The following NPAS3 variants were observed in gnomAD, a reference collection of about 807,000 sequenced individuals.
The protein encoded by NPAS3 is neuronal PAS domain protein 3.
A neutral mutation model predicts 73.1 loss-of-function variants in NPAS3; 14 were observed. The ratio of observed to expected loss-of-function variants is 0.19; its 90% CI spans 0.13 to 0.30. The LOEUF (loss-of-function observed/expected upper bound fraction) is 0.30, where lower values mean the gene tolerates loss of function less well. NPAS3 is among the 10% of genes least tolerant of loss of function. The pLI, the probability that NPAS3 is intolerant of heterozygous loss-of-function variation, is 1.00. For synonymous variants in NPAS3, 620 were observed against 541.5 expected (o/e 1.14, Z -2.01); for missense variants, 1,096 against 1,250.0 (o/e 0.88, Z 1.86).
chr14:33,670,538 A>G (rs1436916341), intron 5 of NPAS3, among the ~76,000 whole-genome samples: 2 of 152,172 alleles, frequency 1.3e-5, no homozygotes, highest in Non-Finnish European at 2.9e-5. Flanking sequence ...AAATCCAAAG[A>G]AAACCTATGC....
intron 3 of NPAS3, among the ~76,000 whole-genome samples, chr14:33,358,836 C>T (rs1312478839): frequency 2.0e-5 from 3 of 152,162 alleles, no homozygotes; most frequent in Non-Finnish European, 4.4e-5. Context: ...GGCTTATATC[C>T]CTAGCACCTT....
chr14:33,128,897 C>T (rs2043532618), intron 2 of NPAS3, among the ~76,000 whole-genome samples: 1 of 152,072 alleles, frequency 6.6e-6, no homozygotes, highest in Non-Finnish European at 1.5e-5. Flanking sequence ...TGAGTGTTTT[C>T]ATCAAAACTG....
downstream of NPAS3, chr14:33,801,256 T>C (rs895142713): frequency 7.0e-7 from 1 of 1,421,670 alleles, no homozygotes; most frequent in Non-Finnish European, 9.3e-7. Flanking sequence ...CCCCTCTTTC[T>C]TTCACCTGAC....
At chr14:33,182,413 C>T (rs1245977409) in intron 2 of NPAS3, among the ~76,000 whole-genome samples, 2 of 152,130 alleles carry the variant, frequency 1.3e-5, no homozygotes, top group Admixed American at 1.3e-4. Flanking sequence ...TATCTCATAG[C>T]ATAATTTATT....
At chr14:33,068,597 A>G (rs991327294) in intron 2 of NPAS3, among the ~76,000 whole-genome samples, 2 of 152,226 alleles carry the variant, frequency 1.3e-5, no homozygotes, top group African/African-American at 4.8e-5. Flanking sequence ...TTAAAAATGA[A>G]GGAAATCATA....
intron 2 of NPAS3, among the ~76,000 whole-genome samples, chr14:33,060,277 G>T (rs980932132): frequency 6.6e-6 from 1 of 152,178 alleles, no homozygotes; most frequent in Non-Finnish European, 1.5e-5. Context: ...CTGCCATAGA[G>T]GGATTTGAGG....
intron 4 of NPAS3, among the ~76,000 whole-genome samples, chr14:33,408,466 G>T (rs1425356439): frequency 1.3e-5 from 2 of 151,934 alleles, no homozygotes; most frequent in African/African-American, 4.8e-5. Context: ...TCTTCTTCCT[G>T]GGAAACAGCC....
chr14:33,123,544 A>AG (rs962556296), intron 2 of NPAS3, among the ~76,000 whole-genome samples: 4 of 152,114 alleles, frequency 2.6e-5, no homozygotes, highest in African/African-American at 9.7e-5. Context: ...AACCAAAAGA[A>AG]GCAGTGGAGA....
intron 2 of NPAS3, among the ~76,000 whole-genome samples, chr14:33,192,764 A>C (rs998676398): frequency 2.0e-5 from 3 of 152,174 alleles, no homozygotes; most frequent in African/African-American, 7.2e-5. Context: ...ATTGCTCTTC[A>C]CTCTTCACAT....
intron 1 of NPAS3, among the ~76,000 whole-genome samples, chr14:33,048,420 C>T (rs553672824): frequency 2.6e-5 from 4 of 152,284 alleles, no homozygotes; most frequent in Admixed American, 6.5e-5. Flanking sequence ...ATTACTTTTC[C>T]TTTCCTTTCA....
In NPAS3 at chr14:33,178,070, A is replaced by ATTTTTTTTTTTTTTTTTTTTTTTTT; in HGVS notation, c.141-37104_141-37103insTTTTTTTTTTTTTTTTTTTTTTTTT. Among the ~76,000 whole-genome samples the ATTTTTTTTTTTTTTTTTTTTTTTTT allele has an allele frequency of 1.6e-5, 2 of 123,868 alleles. 1 individual carries two copies. The allele number at this position is 123,868 out of a possible 152,430, so 81.3% of individuals were successfully genotyped here. A position where few individuals can be genotyped will look rare whatever the true frequency, so the allele number is the denominator to read the frequency against. ...GGAATTTTGATAGGCATTGAAGTGA[A>ATTTTTTTTTTTTTTTTTTTTTTTTT]TTTTTTTTGTTTTTTTTTTTTTGGA... On this transcript the variant is annotated intron_variant, in intron 2 of 11. Transcript: ENST00000356141.
chr14:33,343,546 G>A (rs1294663720), intron 3 of NPAS3, among the ~76,000 whole-genome samples: 4 of 151,980 alleles, frequency 2.6e-5, no homozygotes, highest in African/African-American at 9.7e-5. Flanking sequence ...GTAAAATAAT[G>A]TCGGCATTCA....
intron 3 of NPAS3, among the ~76,000 whole-genome samples, chr14:33,256,197 A>G (rs2048774870): frequency 6.6e-6 from 1 of 152,192 alleles, no homozygotes; most frequent in South Asian, 2.1e-4. Flanking sequence ...AAGTCATAAT[A>G]GTTTGTGTGT....
chr14:32,996,600 G>A (rs1270601245), intron 1 of NPAS3, among the ~76,000 whole-genome samples: 1 of 152,178 alleles, frequency 6.6e-6, no homozygotes, highest in East Asian at 1.9e-4. Flanking sequence ...AAAGGGGCCA[G>A]TGTAGAGCTC....
At chr14:33,097,838 T>A (rs1413772973) in intron 2 of NPAS3, among the ~76,000 whole-genome samples, 1 of 152,206 alleles carries the variant, frequency 6.6e-6, no homozygotes, top group Non-Finnish European at 1.5e-5. Context: ...TTTTTACTAA[T>A]TTTTTTCTAC....
At chr14:32,983,987 G>C (rs2038001599) in intron 1 of NPAS3, among the ~76,000 whole-genome samples, 1 of 152,198 alleles carries the variant, frequency 6.6e-6, no homozygotes, top group Non-Finnish European at 1.5e-5. Flanking sequence ...CTCCCAAAGT[G>C]CTGGGATTAC....
At chr14:33,512,497 C>A (rs906933343) in intron 4 of NPAS3, among the ~76,000 whole-genome samples, 1 of 152,054 alleles carries the variant, frequency 6.6e-6, no homozygotes, top group Non-Finnish European at 1.5e-5. Context: ...TTATAAATGA[C>A]TCAAATGTTA....
chr14:33,443,847 G>A (rs979551670), intron 4 of NPAS3, among the ~76,000 whole-genome samples: 10 of 152,286 alleles, frequency 6.6e-5, no homozygotes, highest in East Asian at 1.9e-4. Context: ...GGAGCCATTC[G>A]GGTAGGGTAT....
At chr14:33,774,606 A>T in intron 8 of NPAS3, 76 bp downstream of exon 8, 1 of 1,193,344 alleles carries the variant, frequency 8.4e-7, no homozygotes, top group South Asian at 1.3e-5. Context: ...CGTCTGAAGG[A>T]TGGTACTCTC....
Sources: allele counts gnomAD v4.1 joint callset (sites outside exome capture counted in the v4.1 genomes callset), GRCh38; gene constraint gnomAD v4.1.1; transcripts MANE v1.5; gene names NCBI Gene and HGNC (gene_info 2026-07-23, HGNC 2026-07-21).